ANO3: variants seen among roughly 807,000 people sequenced by gnomAD.
ANO3 encodes the protein anoctamin 3.
In ANO3, 99 loss-of-function variants were observed where a neutral mutation model predicts 144.8. The observed-to-expected ratio is 0.68, with a 90% confidence interval of 0.58 to 0.81. The LOEUF (loss-of-function observed/expected upper bound fraction) is 0.81, where lower values mean the gene tolerates loss of function less well. Among genes scored for constraint, ANO3 ranks in the 30% least tolerant of loss-of-function variants. The pLI is 0.00. For missense variants in ANO3, 905 were observed against 1,202.2 expected (o/e 0.75, Z 3.66); for synonymous variants, 414 against 392.6 (o/e 1.05, Z -0.64).
intron 1 of ANO3, among the ~76,000 whole-genome samples, chr11:26,369,166 A>G (rs1418286201): frequency 1.3e-5 from 2 of 152,094 alleles, no homozygotes; most frequent in Non-Finnish European, 2.9e-5. Context: ...ATGCATGCCT[A>G]TGTGTGTGTT....
At chr11:26,527,223 T>C (rs1849185646) in intron 7 of ANO3, among the ~76,000 whole-genome samples, 1 of 152,148 alleles carries the variant, frequency 6.6e-6, no homozygotes, top group South Asian at 2.1e-4. Flanking sequence ...TGTTCTTTTC[T>C]CTGTTTTGGT....
intron 1 of ANO3, among the ~76,000 whole-genome samples, chr11:26,303,436 A>G (rs749858855): frequency 2.6e-5 from 4 of 152,228 alleles, no homozygotes; most frequent in Non-Finnish European, 4.4e-5. Flanking sequence ...GAGCGAACTA[A>G]TGCAGGAACA....
At chr11:26,457,238 TA>T (rs35818230) in intron 3 of ANO3, among the ~76,000 whole-genome samples, 131,695 of 147,846 alleles carry the variant, frequency 0.89, 58,887 homozygotes, top group East Asian at 0.99. Flanking sequence ...AAAAAAGAAA[TA>T]AAAAAAAAAC....
chr11:26,245,018 T>TGTGCGCGC (rs1554928314), intron 1 of ANO3, among the ~76,000 whole-genome samples: 3,922 of 145,386 alleles, frequency 0.027, 102 homozygotes, highest in Non-Finnish European at 0.033. Context: ...TGTGTGTGTG[T>TGTGCGCGC]GTGCATGCAT....
intron 1 of ANO3, among the ~76,000 whole-genome samples, chr11:26,246,119 C>T (rs1029146690): frequency 1.3e-4 from 20 of 151,988 alleles, no homozygotes; most frequent in Admixed American, 5.2e-4. Flanking sequence ...GTAAGGGAGA[C>T]CTTAAGGCAT....
At chr11:26,520,423 G>A (rs1006515315) in intron 6 of ANO3, among the ~76,000 whole-genome samples, 1 of 152,114 alleles carries the variant, frequency 6.6e-6, no homozygotes, top group Non-Finnish European at 1.5e-5. Context: ...CTTTTAATTG[G>A]TGTTTTGCCT....
exon 1 of ANO3, chr11:26,189,166 G>A (rs1453142109): frequency 6.1e-6 from 6 of 981,782 alleles, no homozygotes; most frequent in Non-Finnish European, 7.3e-6. Context: ...TAGTTATATG[G>A]GAATTTTGCA....
chr11:26,286,990 T>A lies in ANO3; in HGVS notation c.155-22655T>A, dbSNP rs190613138. ...AGTTTATAAACTTAACAAAGTGTTA[T>A]AAATCAATGGAAGCACAAGATTTTG... is the stretch of plus-strand genomic sequence containing the variant. On this transcript the variant is annotated intron_variant, in intron 1 of 27. Coordinates refer to the ANO3 transcript ENST00000672621. 2.4e-4 allele frequency among the ~76,000 whole-genome samples: 37 copies of A among 152,332 alleles called. No individual in the cohort carries two copies. The East Asian group carries it at 6.0e-3, about 25-fold the overall frequency.
intron 17 of ANO3, among the ~76,000 whole-genome samples, chr11:26,617,050 C>T (rs1270731118): frequency 1.3e-5 from 2 of 152,200 alleles, no homozygotes; most frequent in East Asian, 1.9e-4. Flanking sequence ...GGATTACAGG[C>T]GTGAGCCACC....
intron 1 of ANO3, among the ~76,000 whole-genome samples, chr11:26,273,386 C>T (rs1486716346): frequency 1.3e-5 from 2 of 151,754 alleles, no homozygotes; most frequent in Admixed American, 6.6e-5. Flanking sequence ...AGGCTCATTA[C>T]ACATGTAATT....
chr11:26,592,993 C>T (rs1319253966), intron 14 of ANO3, among the ~76,000 whole-genome samples: 2 of 152,062 alleles, frequency 1.3e-5, no homozygotes, highest in Non-Finnish European at 2.9e-5. Context: ...AGGGTACCGC[C>T]TTACAGTTCT....
intron 1 of ANO3, among the ~76,000 whole-genome samples, chr11:26,267,838 C>T (rs1590224812): frequency 6.6e-6 from 1 of 152,162 alleles, no homozygotes; most frequent in Admixed American, 6.5e-5. Context: ...TCTGCTTGCC[C>T]TAATTCTCTC....
intron 1 of ANO3, among the ~76,000 whole-genome samples, chr11:26,404,933 A>ATGTGTGTGTGTG (rs56103536): frequency 6.8e-6 from 1 of 146,174 alleles, no homozygotes; most frequent in Non-Finnish European, 1.5e-5. Context: ...ATTTATATAT[A>ATGTGTGTGTGTG]TGTGTGTGTG....
At chr11:26,509,879 C>A (rs1016273055) in intron 5 of ANO3, among the ~76,000 whole-genome samples, 4 of 152,118 alleles carry the variant, frequency 2.6e-5, no homozygotes, top group African/African-American at 7.2e-5. Context: ...CGCCATGGCT[C>A]ACGCTTATAA....
chr11:26,612,290 G>A (rs293930), intron 17 of ANO3, among the ~76,000 whole-genome samples: 19,573 of 151,102 alleles, frequency 0.13, 1,470 homozygotes, highest in Admixed American at 0.22. Context: ...TCTTTCTTTC[G>A]GGCTACCATG....
At chr11:26,192,027 A>G (rs1252719328) in intron 1 of ANO3, among the ~76,000 whole-genome samples, 2 of 152,184 alleles carry the variant, frequency 1.3e-5, no homozygotes, top group Non-Finnish European at 2.9e-5. Context: ...AACACATCAT[A>G]GTATACTTTT....
At chr11:26,540,656 A>T (rs545909474) in intron 10 of ANO3, among the ~76,000 whole-genome samples, 1 of 152,238 alleles carries the variant, frequency 6.6e-6, no homozygotes, top group Non-Finnish European at 1.5e-5. Context: ...GACACTTCTC[A>T]AAAGAAGACA....
chr11:26,278,579 T>C (rs190576645), intron 1 of ANO3, among the ~76,000 whole-genome samples: 381 of 152,230 alleles, frequency 2.5e-3, no homozygotes, highest in Non-Finnish European at 3.6e-3. Context: ...GATGGCTCTC[T>C]AGAGATGGCA....
At chr11:26,258,318 C>G (rs891535858) in intron 1 of ANO3, among the ~76,000 whole-genome samples, 1 of 152,118 alleles carries the variant, frequency 6.6e-6, no homozygotes, top group Non-Finnish European at 1.5e-5. Context: ...GTATTATAAT[C>G]GTATTCACAA....
Sources: allele counts gnomAD v4.1 joint callset (sites outside exome capture counted in the v4.1 genomes callset), GRCh38; gene constraint gnomAD v4.1.1; transcripts MANE v1.5; gene names NCBI Gene and HGNC (gene_info 2026-07-23, HGNC 2026-07-21).